RAPGEF2: variants seen among roughly 807,000 people sequenced by gnomAD.
RAPGEF2 encodes Rap guanine nucleotide exchange factor 2.
In RAPGEF2, 54 loss-of-function variants were observed where a neutral mutation model predicts 186.7. The observed-to-expected ratio is 0.29, with a 90% CI of 0.23 to 0.36. The LOEUF is 0.36. Ranked by LOEUF, RAPGEF2 falls within the 10% of genes least tolerant of loss-of-function variation. RAPGEF2 has a pLI of 1.00. For synonymous variants in RAPGEF2, 712 were observed against 705.9 expected (o/e 1.01, Z -0.14); for missense variants, 1,532 against 2,045.0 (o/e 0.75, Z 4.84).
At chr4:159,344,510 A>T (rs904800241) in intron 23 of RAPGEF2, among the ~76,000 whole-genome samples, 2 of 152,180 alleles carry the variant, frequency 1.3e-5, no homozygotes, top group Admixed American at 6.5e-5. Context: ...CAGCTCAACT[A>T]ACTACTATTT....
At position 159,180,512 on chromosome 4, in the gene RAPGEF2, T is replaced by C. The variant is rs548917385; in HGVS notation, c.70-6130T>C. Among the ~76,000 whole-genome samples, 8 of 152,342 alleles carry C rather than the reference T, an allele frequency of 5.3e-5. No individual in the cohort carries two copies. The East Asian group carries it at 1.5e-3, about 29-fold the overall frequency. ...TATAATAGCAGAATAATGTAGTCTT[T>C]TCCCCTAGTTTATAGGCTCCTTGTG... On this transcript the variant is annotated intron_variant, in intron 1 of 29. Transcript: ENST00000691494.
At chr4:159,104,368 A>C in intron 1 of RAPGEF2, 137 bp downstream of exon 1, 1 of 437,990 alleles carries the variant, frequency 2.3e-6, no homozygotes, top group Non-Finnish European at 4.3e-6. Flanking sequence ...CAACTTCCAA[A>C]GGCATCCCAC....
intron 7 of RAPGEF2, among the ~76,000 whole-genome samples, chr4:159,263,269 A>G (rs1383339881): frequency 6.6e-6 from 1 of 152,164 alleles, no homozygotes; most frequent in South Asian, 2.1e-4. Context: ...TTAATGGGGG[A>G]TGTATTGGCT....
At position 159,249,392 on chromosome 4, in the gene RAPGEF2, C is replaced by A. The variant is rs59277450; in HGVS notation, c.543+5601C>A. On this transcript the variant is annotated intron_variant, in intron 7 of 29. Transcript: ENST00000691494. ...ATCTGTTGTAAGTTGTCTGTTTTCA[C>A]TGTTTGAAATATCAGGTGATTGGAA... is the stretch of plus-strand genomic sequence containing the variant. 7.1e-3 allele frequency among the ~76,000 whole-genome samples: 1,061 copies of A among 149,688 alleles called. 10 individuals are homozygous for A. The highest frequency in any genetic ancestry group is 0.025 in the African/African-American group (997 of 40,590).
intron 4 of RAPGEF2, among the ~76,000 whole-genome samples, chr4:159,218,638 G>A (rs1243057821): frequency 6.6e-6 from 1 of 151,996 alleles, no homozygotes; most frequent in East Asian, 1.9e-4. Context: ...CAAGCCTGTA[G>A]TCCCAGCTAC....
intron 5 of RAPGEF2, among the ~76,000 whole-genome samples, chr4:159,239,253 T>A (rs1327818317): frequency 6.6e-6 from 1 of 152,168 alleles, no homozygotes. Context: ...TTTAAATCAA[T>A]CACTAGGTTT....
At position 159,213,959 on chromosome 4, in the gene RAPGEF2, C is replaced by T. The variant is rs552154721; in HGVS notation, c.281+3376C>T. Among the ~76,000 whole-genome samples the T allele has an allele frequency of 1.8e-4, 28 of 152,266 alleles. No homozygotes were observed. The East Asian group carries it at 3.7e-3, about 20-fold the overall frequency. On this transcript the variant is annotated intron_variant, in intron 4 of 29. Transcript: ENST00000691494. ...TAATGCCATGTATTTTATGTTGTTA[C>T]ATATATTGTTGCCTTCAGATAGAGC...
chr4:159,333,520 ACTC>A (rs1766986790), intron 17 of RAPGEF2, among the ~76,000 whole-genome samples: 1 of 152,204 alleles, frequency 6.6e-6, no homozygotes, highest in South Asian at 2.1e-4. Context: ...CAAGCACAGA[ACTC>A]CTTTCATTTT....
At chr4:159,263,359 G>A (rs944861668) in intron 7 of RAPGEF2, among the ~76,000 whole-genome samples, 1 of 152,142 alleles carries the variant, frequency 6.6e-6, no homozygotes, top group African/African-American at 2.4e-5. Flanking sequence ...TTAGTTTGAT[G>A]TACTCATATA....
At chr4:159,174,291 A>G (rs935086491) in intron 1 of RAPGEF2, among the ~76,000 whole-genome samples, 1 of 152,166 alleles carries the variant, frequency 6.6e-6, no homozygotes, top group Non-Finnish European at 1.5e-5. Context: ...TGTTGTGACT[A>G]TATCATTTAA....
chr4:159,252,615 C>T (rs533437499), intron 7 of RAPGEF2, among the ~76,000 whole-genome samples: 6 of 151,406 alleles, frequency 4.0e-5, no homozygotes, highest in Non-Finnish European at 7.4e-5. Context: ...TTAGTATTAA[C>T]TTTGGTTAGA....
intron 8 of RAPGEF2, among the ~76,000 whole-genome samples, chr4:159,308,873 TGA>T (rs1763621241): frequency 6.6e-6 from 1 of 151,968 alleles, no homozygotes; most frequent in Non-Finnish European, 1.5e-5. Context: ...TTGTTGAGAG[TGA>T]GAGGGTTGGC....
At chr4:159,306,566 T>C (rs1397170522) in intron 8 of RAPGEF2, among the ~76,000 whole-genome samples, 1 of 152,138 alleles carries the variant, frequency 6.6e-6, no homozygotes, top group African/African-American at 2.4e-5. Flanking sequence ...AATGAGATCA[T>C]TCCATCAGTG....
rs529951735 is a variant in RAPGEF2 at position 159,236,335 on chromosome 4, A to T, written c.282-2474A>T. Reference sequence around the variant, plus strand: ...CCCAAAGTAATAGTGTGCTAGTGCAACTTGAAGTGTGACTTCCTAGCCATG... The same window carrying T: ...CCCAAAGTAATAGTGTGCTAGTGCATCTTGAAGTGTGACTTCCTAGCCATG... On this transcript the variant is annotated intron_variant, in intron 4 of 29. Transcript: ENST00000691494. Among the ~76,000 whole-genome samples, 425 of 152,360 alleles carry T rather than the reference A, an allele frequency of 2.8e-3. 2 individuals carry two copies. Among genetic ancestry groups the T allele is most frequent in the Middle Eastern group, 0.01 (3 of 294 alleles).
chr4:159,336,801 T>C (rs1440168086), intron 17 of RAPGEF2, among the ~76,000 whole-genome samples: 1 of 152,200 alleles, frequency 6.6e-6, no homozygotes, highest in Non-Finnish European at 1.5e-5. Flanking sequence ...ATAGTAGTTA[T>C]TATGATCAAG....
chr4:159,114,937 G>A (rs955134208), intron 1 of RAPGEF2, among the ~76,000 whole-genome samples: 1 of 152,148 alleles, frequency 6.6e-6, no homozygotes, highest in Non-Finnish European at 1.5e-5. Context: ...TGTTATCTAA[G>A]CTGAGTGTAT....
intron 29 of RAPGEF2, among the ~76,000 whole-genome samples, chr4:159,357,563 T>C (rs1343185701): frequency 6.6e-6 from 1 of 151,996 alleles, no homozygotes; most frequent in Non-Finnish European, 1.5e-5. Flanking sequence ...AAGCAACACG[T>C]GACTGGGAGA....
At chr4:159,352,464 ACTTT>A (rs905326104) in intron 26 of RAPGEF2, 4 of 493,870 alleles carry the variant, frequency 8.1e-6, no homozygotes, top group African/African-American at 1.9e-5. Flanking sequence ...CTTGTAGGAT[ACTTT>A]CTTTTTTCCT....
intron 18 of RAPGEF2, 128 bp downstream of exon 18, chr4:159,338,596 T>G (rs1767804897): frequency 9.7e-7 from 1 of 1,026,674 alleles, no homozygotes; most frequent in African/African-American, 1.6e-5. Context: ...GGATGAAACT[T>G]AAACTTTAAG....
Sources: gnomAD v4.1 joint callset for allele counts (sites outside exome capture counted in the v4.1 genomes callset) on GRCh38, gnomAD v4.1.1 for gene constraint, MANE v1.5 for transcripts, NCBI Gene and HGNC (gene_info 2026-07-23, HGNC 2026-07-21) for gene names.